The following DLGAP2 variants were observed in gnomAD, a reference collection of about 807,000 sequenced individuals.
DLGAP2 encodes disks large-associated protein 2.
In DLGAP2, 26 loss-of-function variants were observed where a neutral mutation model predicts 100.3. The observed-to-expected ratio is 0.26, with a 90% CI of 0.19 to 0.36. The LOEUF (loss-of-function observed/expected upper bound fraction) is 0.36, where lower values mean the gene tolerates loss of function less well. DLGAP2 is among the 10% of genes least tolerant of loss of function. DLGAP2 has a pLI of 1.00. For synonymous variants in DLGAP2, 886 were observed against 630.1 expected (o/e 1.41, Z -6.08); for missense variants, 1,858 against 1,453.2 (o/e 1.28, Z -4.53).
rs1437114090 is a variant in DLGAP2 at position 1,388,573 on chromosome 8, G to A, written c.107-112793G>A. Reference sequence around the variant, plus strand: ...AGAGGCAGAGGCAGTGGGTGGGGAGGCACTGGTTCAGGTGTCAGGGCTGTG... The same window carrying A: ...AGAGGCAGAGGCAGTGGGTGGGGAGACACTGGTTCAGGTGTCAGGGCTGTG... On this transcript the variant is annotated intron_variant, in intron 3 of 14. Transcript: ENST00000637795. 6.5e-5 allele frequency among the ~76,000 whole-genome samples: 5 copies of A among 77,122 alleles called. 1 individual carries two copies. The highest frequency in any genetic ancestry group is 1.1e-4 in the Non-Finnish European group (4 of 36,652). The allele number at this position is 77,122 out of a possible 152,430, so 50.6% of individuals were successfully genotyped here.
chr8:781,823 A>G (rs1274846754), intron 1 of DLGAP2, among the ~76,000 whole-genome samples: 2 of 152,218 alleles, frequency 1.3e-5, no homozygotes, highest in East Asian at 3.8e-4. Flanking sequence ...TGCAACAACA[A>G]TTATATAACC....
intron 3 of DLGAP2, among the ~76,000 whole-genome samples, chr8:1,296,811 G>A (rs552975803): frequency 2.8e-4 from 42 of 152,292 alleles, no homozygotes; most frequent in South Asian, 4.1e-4. Context: ...GTGCACAGCC[G>A]CACCGGAGCG....
intron 2 of DLGAP2, among the ~76,000 whole-genome samples, chr8:1,204,354 G>C (rs1585149880): frequency 6.6e-6 from 1 of 152,380 alleles, no homozygotes; most frequent in Admixed American, 6.5e-5. Context: ...AGAACCCGGG[G>C]ATTCTGGGAT....
At chr8:1,663,226 TGTGA>T (rs1034618284) in intron 8 of DLGAP2, among the ~76,000 whole-genome samples, 11 of 151,594 alleles carry the variant, frequency 7.3e-5, no homozygotes, top group South Asian at 2.1e-4. Flanking sequence ...GAGTGTGGGG[TGTGA>T]GTGTGTGTGT....
At chr8:1,558,446 G>A (rs1458466481) in intron 5 of DLGAP2, among the ~76,000 whole-genome samples, 3 of 152,200 alleles carry the variant, frequency 2.0e-5, no homozygotes, top group African/African-American at 7.2e-5. Context: ...GTGGGCAGGA[G>A]CCTTTGCCAC....
intron 2 of DLGAP2, among the ~76,000 whole-genome samples, chr8:1,107,639 C>T (rs1804820890): frequency 6.6e-6 from 1 of 152,210 alleles, no homozygotes; most frequent in Non-Finnish European, 1.5e-5. Flanking sequence ...TGACGTGTGC[C>T]TGGAAGGGCT....
At chr8:1,606,087 C>G (rs950307358) in intron 6 of DLGAP2, among the ~76,000 whole-genome samples, 1 of 152,202 alleles carries the variant, frequency 6.6e-6, no homozygotes, top group East Asian at 1.9e-4. Context: ...TGCCCCAGAG[C>G]TCCCTCACTG....
chr8:1,510,428 A>G (rs151009235), intron 4 of DLGAP2, among the ~76,000 whole-genome samples: 1 of 152,336 alleles, frequency 6.6e-6, no homozygotes, highest in East Asian at 1.9e-4. Context: ...GAGAAACGTC[A>G]TCAGTTTGTG....
intron 2 of DLGAP2, among the ~76,000 whole-genome samples, chr8:1,062,712 G>A (rs548670254): frequency 9.2e-5 from 14 of 152,096 alleles, no homozygotes; most frequent in African/African-American, 2.2e-4. Context: ...CTTGATAGTC[G>A]TTGTGATAGC....
intron 12 of DLGAP2, among the ~76,000 whole-genome samples, chr8:1,689,287 G>C (rs763272084): frequency 2.0e-5 from 3 of 152,132 alleles, no homozygotes; most frequent in Non-Finnish European, 4.4e-5. Context: ...GGCCATGCCC[G>C]GCACAAGATC....
intron 2 of DLGAP2, among the ~76,000 whole-genome samples, chr8:999,889 T>C (rs992489662): frequency 6.6e-6 from 1 of 152,266 alleles, no homozygotes; most frequent in Non-Finnish European, 1.5e-5. Flanking sequence ...ATGTGCTTGC[T>C]AAGGATTTTC....
intron 3 of DLGAP2, among the ~76,000 whole-genome samples, chr8:1,288,899 C>T (rs888762795): frequency 3.9e-5 from 6 of 152,112 alleles, no homozygotes; most frequent in African/African-American, 1.2e-4. Flanking sequence ...TTCAGTTGCT[C>T]GGCTTGTTTT....
intron 3 of DLGAP2, among the ~76,000 whole-genome samples, chr8:1,307,714 G>A (rs895180066): frequency 3.9e-5 from 6 of 152,144 alleles, no homozygotes; most frequent in African/African-American, 1.4e-4. Context: ...CTGACACATG[G>A]CACAATATAG....
chr8:1,667,660 T>G (rs1355071858), intron 8 of DLGAP2, among the ~76,000 whole-genome samples: 1 of 152,216 alleles, frequency 6.6e-6, no homozygotes, highest in Non-Finnish European at 1.5e-5. Context: ...GATTAACATC[T>G]TCAGGTGCTG....
intron 3 of DLGAP2, among the ~76,000 whole-genome samples, chr8:1,448,793 A>T (rs1798055507): frequency 6.6e-6 from 1 of 152,224 alleles, no homozygotes. Context: ...TGCAAAAATC[A>T]ATGCATGACA....
chr8:1,364,105 C>A (rs951245570), intron 3 of DLGAP2, among the ~76,000 whole-genome samples: 16 of 152,190 alleles, frequency 1.1e-4, no homozygotes, highest in African/African-American at 3.9e-4. Context: ...GATAACACAG[C>A]TCTCGGCCCC....
At chr8:1,669,166 G>A (rs889117540) in intron 9 of DLGAP2, among the ~76,000 whole-genome samples, 5 of 152,198 alleles carry the variant, frequency 3.3e-5, no homozygotes, top group South Asian at 2.1e-4. Flanking sequence ...GAAATTGGAC[G>A]TGCTCACAGC....
At chr8:1,420,972 C>G (rs1797073006) in intron 3 of DLGAP2, among the ~76,000 whole-genome samples, 1 of 152,130 alleles carries the variant, frequency 6.6e-6, no homozygotes, top group Non-Finnish European at 1.5e-5. Context: ...TGTTGCTTCC[C>G]AAAGAGCGGG....
chr8:1,391,531 T>G (rs528032264), intron 3 of DLGAP2, among the ~76,000 whole-genome samples: 10 of 152,172 alleles, frequency 6.6e-5, no homozygotes, highest in Admixed American at 3.9e-4. Context: ...GAGAGTAAGA[T>G]TGGTGTTTTT....
Sources: allele counts gnomAD v4.1 joint callset (sites outside exome capture counted in the v4.1 genomes callset), GRCh38; gene constraint gnomAD v4.1.1; transcripts MANE v1.5; gene names NCBI Gene and HGNC (gene_info 2026-07-23, HGNC 2026-07-21).